Variants in SPRED1 observed in about 807,000 individuals in gnomAD.
SPRED1 encodes sprouty related EVH1 domain containing 1, also known as sprouty-related, EVH1 domain-containing protein 1.
Under a neutral mutation model 52.3 loss-of-function variants are expected in SPRED1, and 18 were observed. The observed-to-expected ratio is 0.34, with a 90% CI of 0.24 to 0.51. SPRED1 has a LOEUF of 0.51. Among genes scored for constraint, SPRED1 ranks in the 20% least tolerant of loss-of-function variants. SPRED1 has a pLI of 0.97. For synonymous variants in SPRED1, 155 were observed against 179.7 expected, an observed-to-expected ratio of 0.86 and a Z score of 1.10; for missense variants, 485 against 551.0, an observed-to-expected ratio of 0.88 and a Z score of 1.20.
chr15:38,256,224 A>G (rs1216404683), intron 1 of SPRED1, among the ~76,000 whole-genome samples: 3 of 152,152 alleles, frequency 2.0e-5, no homozygotes, highest in Non-Finnish European at 4.4e-5. Context: ...CTCTAGAGCA[A>G]AAGAATTTGT....
At chr15:38,336,427 TATATATATAATA>T (rs1348021524) in intron 4 of SPRED1, among the ~76,000 whole-genome samples, 6 of 52,170 alleles carry the variant, frequency 1.2e-4, no homozygotes, top group African/African-American at 2.7e-4. Context: ...TGTGTGTATA[TATATATATAATA>T]TTATATATAT....
chr15:38,339,927 G>A, intron 5 of SPRED1, 32 bp downstream of exon 5: 1 of 1,613,002 alleles, frequency 6.2e-7, no homozygotes, highest in Non-Finnish European at 8.5e-7. Flanking sequence ...TCGGCGCGTT[G>A]TTTATATGTG....
chr15:38,262,407 G>A (rs1158676090), intron 1 of SPRED1, among the ~76,000 whole-genome samples: 2 of 152,222 alleles, frequency 1.3e-5, no homozygotes, highest in Non-Finnish European at 2.9e-5. Context: ...GATGGTGACT[G>A]TGTGAAGGAA....
chr15:38,275,938 A>G (rs759307131), intron 1 of SPRED1, among the ~76,000 whole-genome samples: 2 of 151,850 alleles, frequency 1.3e-5, no homozygotes, highest in African/African-American at 2.4e-5. Flanking sequence ...CTTTCCACTT[A>G]CTCTCCTGTG....
intron 4 of SPRED1, among the ~76,000 whole-genome samples, chr15:38,334,686 G>T (rs2141003682): frequency 6.6e-6 from 1 of 152,078 alleles, no homozygotes; most frequent in Middle Eastern, 3.4e-3. Flanking sequence ...TAGCTGCACA[G>T]AATTCTGTCA....
intron 5 of SPRED1, among the ~76,000 whole-genome samples, chr15:38,345,449 A>G (rs1208331464): frequency 1.3e-5 from 2 of 152,238 alleles, no homozygotes; most frequent in Non-Finnish European, 2.9e-5. Flanking sequence ...CAACAGAGGA[A>G]CAACCTTGCC....
intron 4 of SPRED1, 131 bp from the exon 5 acceptor site, chr15:38,339,606 G>C (rs1895989109): frequency 2.3e-6 from 2 of 865,018 alleles, no homozygotes; most frequent in South Asian, 3.0e-5. Context: ...TTTGGGAATT[G>C]CTATTCATAG....
chr15:38,297,479 C>T (rs556522476), intron 1 of SPRED1, among the ~76,000 whole-genome samples: 3 of 152,276 alleles, frequency 2.0e-5, no homozygotes, highest in South Asian at 2.1e-4. Flanking sequence ...TTCATGCACC[C>T]GCACTTCCTC....
intron 4 of SPRED1, among the ~76,000 whole-genome samples, chr15:38,337,573 T>C (rs940472482): frequency 1.3e-5 from 2 of 152,100 alleles, no homozygotes; most frequent in African/African-American, 4.8e-5. Context: ...AATTTAATAA[T>C]GAAGCAATAA....
chr15:38,308,262 T>A (rs8026366), intron 2 of SPRED1, among the ~76,000 whole-genome samples: 2 of 152,064 alleles, frequency 1.3e-5, no homozygotes, highest in East Asian at 1.9e-4. Context: ...CTGTGTACAC[T>A]CTAACCTGTT....
At position 38,253,205 on chromosome 15, in the gene SPRED1, C is replaced by A; in HGVS notation, c.20C>A (p.Thr7Asn). 6.3e-7 allele frequency: 1 copy of A among 1,579,988 alleles called. No individual in the cohort carries two copies. Among genetic ancestry groups the A allele is most frequent in the South Asian group, 1.2e-5 (1 of 86,400 alleles). MSEETA[T>N]SDNDNSYARV... The stretch of plus-strand genomic sequence containing the variant: ...GGAAAGATGAGCGAGGAGACGGCGA[C>A]TTCTGACAACGAGTAAGCGCCTCAT... Residue 7 changes from threonine to asparagine, a missense_variant, in exon 1 of 7, where the codon ACT becomes AAT. Thr to Asn is a moderately conservative substitution (Grantham distance 65, BLOSUM62 0). Transcript: ENST00000299084.
chr15:38,333,116 G>A (rs1166288883), intron 4 of SPRED1, among the ~76,000 whole-genome samples: 1 of 152,098 alleles, frequency 6.6e-6, no homozygotes, highest in Non-Finnish European at 1.5e-5. Flanking sequence ...AACATTCGGA[G>A]TATAGCACTG....
At chr15:38,263,791 A>G (rs1894250131) in intron 1 of SPRED1, among the ~76,000 whole-genome samples, 1 of 152,162 alleles carries the variant, frequency 6.6e-6, no homozygotes, top group South Asian at 2.1e-4. Flanking sequence ...ATACACTAAC[A>G]CTAAAGGTAG....
At chr15:38,330,935 G>A (rs1393401262) in intron 4 of SPRED1, among the ~76,000 whole-genome samples, 6 of 152,042 alleles carry the variant, frequency 3.9e-5, no homozygotes, top group African/African-American at 1.4e-4. Context: ...AGCAGAAGGG[G>A]TGCAAAGGGA....
chr15:38,340,716 A>G (rs1896011375), intron 5 of SPRED1, among the ~76,000 whole-genome samples: 3 of 151,924 alleles, frequency 2.0e-5, no homozygotes, highest in African/African-American at 7.3e-5. Flanking sequence ...TGTAGTTATT[A>G]GTAGAGATGA....
At chr15:38,286,298 T>A (rs1311374739) in intron 1 of SPRED1, among the ~76,000 whole-genome samples, 2 of 150,820 alleles carry the variant, frequency 1.3e-5, no homozygotes, top group African/African-American at 4.9e-5. Flanking sequence ...TCCTATCAAT[T>A]TTATATTATT....
At chr15:38,287,263 G>T (rs1325597264) in intron 1 of SPRED1, among the ~76,000 whole-genome samples, 1 of 152,004 alleles carries the variant, frequency 6.6e-6, no homozygotes, top group Non-Finnish European at 1.5e-5. Flanking sequence ...TCATTTATTT[G>T]TCTAGTTATC....
At chr15:38,255,282 T>G (rs1214328285) in intron 1 of SPRED1, among the ~76,000 whole-genome samples, 1 of 152,210 alleles carries the variant, frequency 6.6e-6, no homozygotes, top group East Asian at 1.9e-4. Flanking sequence ...TTTAAATATT[T>G]TTTTTTCATC....
At chr15:38,310,153 G>GTGTGTGTGTGTGTT (rs373463622) in intron 2 of SPRED1, among the ~76,000 whole-genome samples, 23,092 of 131,878 alleles carry the variant, frequency 0.18, 2,532 homozygotes, top group South Asian at 0.23. Context: ...GTGTGTGTGT[G>GTGTGTGTGTGTGTT]TTTGGAGACG....
Sources: allele counts gnomAD v4.1 joint callset (sites outside exome capture counted in the v4.1 genomes callset), GRCh38; gene constraint gnomAD v4.1.1; transcripts MANE v1.5; gene names NCBI Gene and HGNC (gene_info 2026-07-23, HGNC 2026-07-21).